Variants in PLXNA4 observed in about 807,000 individuals in gnomAD.
PLXNA4 encodes plexin-A4.
A neutral mutation model predicts 191.8 loss-of-function variants in PLXNA4; 44 were observed. That is an observed-to-expected ratio of 0.23 (90% CI 0.18 to 0.29). The LOEUF (loss-of-function observed/expected upper bound fraction) is 0.29. Among genes scored for constraint, PLXNA4 ranks in the 10% least tolerant of loss-of-function variants. The pLI is 1.00. For missense variants in PLXNA4, 1,800 were observed against 2,488.8 expected, an observed-to-expected ratio of 0.72 and a Z score of 5.89; for synonymous variants, 1,082 against 1,009.5, an observed-to-expected ratio of 1.07 and a Z score of -1.36.
chr7:132,376,419 C>T (rs1585052814), intron 3 of PLXNA4, among the ~76,000 whole-genome samples: 1 of 152,182 alleles, frequency 6.6e-6, no homozygotes, highest in East Asian at 1.9e-4. Context: ...TCTGTTTCTC[C>T]TCATTTACAC....
chr7:132,172,785 G>A (rs1286611075), intron 21 of PLXNA4, among the ~76,000 whole-genome samples: 3 of 127,028 alleles, frequency 2.4e-5, no homozygotes, highest in African/African-American at 6.2e-5. Context: ...TAATAATAAA[G>A]TTACATCTTT....
intron 3 of PLXNA4, among the ~76,000 whole-genome samples, chr7:132,301,767 T>C (rs1236840015): frequency 2.0e-5 from 3 of 152,254 alleles, no homozygotes; most frequent in African/African-American, 7.2e-5. Flanking sequence ...ATGAAGATGC[T>C]GTTGTAAATT....
chr7:132,226,850 G>A (rs181510641), intron 7 of PLXNA4, among the ~76,000 whole-genome samples: 125 of 152,284 alleles, frequency 8.2e-4, no homozygotes, highest in African/African-American at 2.8e-3. Flanking sequence ...TGCCTTCCCT[G>A]AGAGCCTCAT....
At chr7:132,225,620 C>CT in intron 8 of PLXNA4, among the ~76,000 whole-genome samples, 1 of 151,388 alleles carries the variant, frequency 6.6e-6, no homozygotes, top group East Asian at 1.9e-4. Flanking sequence ...GAGTCCGCCC[C>CT]CCCCCACAGC....
At chr7:132,182,435 C>G (rs1421015366) in intron 16 of PLXNA4, among the ~76,000 whole-genome samples, 1 of 152,158 alleles carries the variant, frequency 6.6e-6, no homozygotes, top group African/African-American at 2.4e-5. Context: ...GGAGTATGGA[C>G]CCCCGTGGAG....
chr7:132,334,258 T>C (rs1158401632), intron 3 of PLXNA4, among the ~76,000 whole-genome samples: 3 of 137,580 alleles, frequency 2.2e-5, no homozygotes, highest in Non-Finnish European at 3.1e-5. Context: ...CTTTCTTTTT[T>C]TTTTTTTTTT....
intron 2 of PLXNA4, among the ~76,000 whole-genome samples, chr7:132,503,951 C>T (rs1015867484): frequency 4.6e-5 from 7 of 152,198 alleles, no homozygotes; most frequent in Admixed American, 1.3e-4. Flanking sequence ...AGGGTGAAGG[C>T]GGAAGCTGCT....
Position 132,227,517 on chromosome 7 carries a change from C to T in PLXNA4, c.1816G>A (p.Val606Met), listed in dbSNP as rs773974153. ...GAGTAGCACTGGATCTGATTGCCCACGACCAGCCCATCCATCTCTGACAGG... is the reference window on the plus strand; with the variant it reads ...GAGTAGCACTGGATCTGATTGCCCATGACCAGCCCATCCATCTCTGACAGG... Reference protein sequence around the residue: ...EDLSEMDGLVVGNQIQCYSPA... With the variant: ...EDLSEMDGLVMGNQIQCYSPA... Residue 606 changes from valine (V) to methionine (M), a missense_variant, in exon 7 of 32, where the codon GTG becomes ATG. Around this residue, in one of 6 missense-constraint regions of PLXNA4, gnomAD observed 1,397 missense variants for 1,880.4 expected, o/e 0.74. Coordinates refer to ENST00000321063, the MANE Select transcript of PLXNA4 (RefSeq NM_020911.2). 126 of 1,614,040 alleles carry T rather than the reference C, an allele frequency of 7.8e-5. No individual in the cohort carries two copies. The highest frequency in any genetic ancestry group is 3.6e-4 in the East Asian group (16 of 44,876).
At chr7:132,412,894 C>T (rs544472502) in intron 3 of PLXNA4, among the ~76,000 whole-genome samples, 7 of 152,200 alleles carry the variant, frequency 4.6e-5, no homozygotes, top group South Asian at 2.1e-4. Context: ...TTTGGAGGGA[C>T]GACCCCTCTC....
chr7:132,273,553 G>C (rs1034144648), intron 4 of PLXNA4, among the ~76,000 whole-genome samples: 2 of 152,158 alleles, frequency 1.3e-5, no homozygotes, highest in Admixed American at 6.6e-5. Flanking sequence ...TATCTGCTGG[G>C]GTAGTATTAT....
At chr7:132,270,470 G>T (rs1232933223) in intron 4 of PLXNA4, among the ~76,000 whole-genome samples, 1 of 152,212 alleles carries the variant, frequency 6.6e-6, no homozygotes, top group African/African-American at 2.4e-5. Flanking sequence ...AGTCTCATGA[G>T]TTCAGAAAGT....
chr7:132,508,114 C>T lies in PLXNA4; in HGVS notation c.580G>A (p.Glu194Lys), dbSNP rs1249464400. ...CGGCTGGAGATGGTGGGAAAATACT[C>T]GGGCTTCCCATCCACTGCCGTGGCA... Reference protein sequence around the residue: ...FIATAVDGKPEYFPTISSRKL... With the variant: ...FIATAVDGKPKYFPTISSRKL... The change falls in exon 2 of 32, where the codon GAG becomes AAG. Residue 194 changes from glutamate (E) to lysine (K), a missense_variant. This residue lies in a region of PLXNA4 where 1,397 missense variants were observed against 1,880.4 expected (regional missense o/e 0.74). Coordinates refer to ENST00000321063, the MANE Select transcript of PLXNA4 (RefSeq NM_020911.2). This position sits in a 1 kb window ranked among gnomAD's most constrained non-coding sequence, Gnocchi z 4.4. 1 of 1,614,194 alleles carries T rather than the reference C, an allele frequency of 6.2e-7. No individual in the cohort carries two copies.
chr7:132,195,374 G>A (rs774969534), intron 13 of PLXNA4, among the ~76,000 whole-genome samples: 22 of 152,210 alleles, frequency 1.4e-4, no homozygotes, highest in Non-Finnish European at 2.6e-4. Flanking sequence ...ATTGATGAAC[G>A]TTTAGTTGTC....
chr7:132,395,814 C>T (rs967547065), intron 3 of PLXNA4, among the ~76,000 whole-genome samples: 1 of 152,254 alleles, frequency 6.6e-6, no homozygotes, highest in African/African-American at 2.4e-5. Context: ...GGCCGGGAAA[C>T]AAATGATGAA....
chr7:132,135,412 C>T (rs281875), intron 30 of PLXNA4, among the ~76,000 whole-genome samples: 26,607 of 152,120 alleles, frequency 0.17, 3,283 homozygotes, highest in African/African-American at 0.33. Flanking sequence ...TTTCTCTCAC[C>T]AGCTGTGGAA....
chr7:132,408,164 A>G (rs1794301148), intron 3 of PLXNA4, among the ~76,000 whole-genome samples: 1 of 152,226 alleles, frequency 6.6e-6, no homozygotes, highest in Admixed American at 6.5e-5. Flanking sequence ...TATTTGCATA[A>G]TAGAATATTA....
At chr7:132,545,516 A>C (rs1800262668) in intron 1 of PLXNA4, among the ~76,000 whole-genome samples, 1 of 152,208 alleles carries the variant, frequency 6.6e-6, no homozygotes, top group Non-Finnish European at 1.5e-5. Flanking sequence ...CTTTCTTGTC[A>C]AATAATCCTT....
intron 3 of PLXNA4, among the ~76,000 whole-genome samples, chr7:132,371,206 T>G (rs1478631994): frequency 6.6e-6 from 1 of 152,024 alleles, no homozygotes. Flanking sequence ...GAACCAGGTT[T>G]TAAGTCCTTT....
chr7:132,249,404 C>T (rs1045096643), intron 4 of PLXNA4, among the ~76,000 whole-genome samples: 12 of 152,262 alleles, frequency 7.9e-5, no homozygotes, highest in East Asian at 5.8e-4. Context: ...GAGCGAGTGC[C>T]GACGCCGGAA....
Sources: gnomAD v4.1 joint callset for allele counts (sites outside exome capture counted in the v4.1 genomes callset) on GRCh38, gnomAD v4.1.1 for gene constraint, gnomAD v4.1.1 regional missense constraint, Gnocchi (gnomAD v3.1) non-coding constraint, MANE v1.5 for transcripts, NCBI Gene and HGNC (gene_info 2026-07-23, HGNC 2026-07-21) for gene names.